Variants in CACNA2D2 observed in about 807,000 individuals in gnomAD.
CACNA2D2 encodes the protein voltage-dependent calcium channel subunit alpha-2/delta-2.
CACNA2D2 carries 48 observed loss-of-function variants against 166.4 expected under a neutral mutation model. That is an observed-to-expected ratio of 0.29 (90% CI 0.23 to 0.37). The LOEUF (loss-of-function observed/expected upper bound fraction) is 0.37, where lower values mean the gene tolerates loss of function less well. Among genes scored for constraint, CACNA2D2 ranks in the 10% least tolerant of loss-of-function variants. The pLI is 1.00. For missense variants in CACNA2D2, 1,122 were observed against 1,433.0 expected (o/e 0.78, Z 3.50); for synonymous variants, 561 against 573.7 (o/e 0.98, Z 0.32).
At position 50,380,003 on chromosome 3, in the gene CACNA2D2, G is replaced by A; in HGVS notation, c.858C>T (p.Ala286=). The change falls in exon 9 of 38, where the codon GCC becomes GCT. Residue 286 remains alanine, a synonymous_variant. Transcript: ENST00000424201. The surrounding 1 kb of genome is among the most constrained non-coding windows in gnomAD (Gnocchi z 4.9). ...VRRRPWYIQG[A]SSPKDMVIIV... is the part of the protein sequence containing the mutation. Reference sequence around the variant, plus strand: ...TGATGACCATGTCTTTGGGTGACGAGGCCCCCTGGATATACCTGCCCAGGA... The same window carrying A: ...TGATGACCATGTCTTTGGGTGACGAAGCCCCCTGGATATACCTGCCCAGGA... The A allele has an allele frequency of 6.2e-7, 1 of 1,614,082 alleles. No homozygotes were observed. The highest frequency in any genetic ancestry group is 8.5e-7 in the Non-Finnish European group (1 of 1,180,040).
intron 4 of CACNA2D2, among the ~76,000 whole-genome samples, chr3:50,392,681 G>A (rs956629353): frequency 1.3e-5 from 2 of 152,210 alleles, no homozygotes; most frequent in Non-Finnish European, 2.9e-5. Context: ...CACCCACATA[G>A]CCTGATGTGT....
chr3:50,489,780 C>T (rs1437997403), intron 1 of CACNA2D2, among the ~76,000 whole-genome samples: 3 of 151,846 alleles, frequency 2.0e-5, no homozygotes, highest in East Asian at 2.0e-4. Context: ...CACACCCTGA[C>T]TGGGGAGGCC....
chr3:50,503,185 G>C (rs1699056617), intron 1 of CACNA2D2, 33 bp downstream of exon 1: 1 of 1,163,656 alleles, frequency 8.6e-7, no homozygotes, highest in South Asian at 4.2e-5. Context: ...GCAAGGCTCG[G>C]CCGGGGTCTC....
intron 1 of CACNA2D2, among the ~76,000 whole-genome samples, chr3:50,479,670 C>T (rs1402829625): frequency 6.6e-6 from 1 of 152,116 alleles, no homozygotes; most frequent in Non-Finnish European, 1.5e-5. Context: ...CGTACTCACT[C>T]CAGCAGAAGG....
At position 50,367,947 on chromosome 3, in the gene CACNA2D2, G is replaced by T. The variant is rs1387574644; in HGVS notation, c.2144-45C>A. On this transcript the variant is annotated intron_variant, in intron 24 of 37. Transcript: ENST00000424201. The surrounding 1 kb of genome is among the most constrained non-coding windows in gnomAD (Gnocchi z 6.5). ...GTGGGGGTGGGGGCATCTTCTTGCA[G>T]CTCCTTGCCCACCCTCACCCCCACC... The T allele has an allele frequency of 1.4e-6, 2 of 1,391,520 alleles. No homozygotes were observed. Among genetic ancestry groups the T allele is most frequent in the Admixed American group, 3.7e-5 (2 of 54,286 alleles). 86.2% of individuals were successfully genotyped at this position (1,391,520 alleles called of 1,614,324 possible).
Position 50,363,309 on chromosome 3 carries a change from G to A in CACNA2D2, c.*1357C>T. ...AAGCAACATGACATTAATTAACGAA[G>A]CCATTAATTAATGCATCACCCTCCC... On this transcript the variant is annotated 3_prime_UTR_variant, in exon 38 of 38. Transcript: ENST00000424201. 2 of 398,680 alleles carry A rather than the reference G, an allele frequency of 5.0e-6. No homozygotes were observed. Among genetic ancestry groups the A allele is most frequent in the East Asian group, 7.1e-5 (2 of 28,066 alleles). 24.7% of individuals were successfully genotyped at this position (398,680 alleles called of 1,614,324 possible).
rs1190299166 is a variant in CACNA2D2, at chr3:50,375,325, C to T, written c.1907+319G>A. Among the ~76,000 whole-genome samples, 2 of 152,314 alleles carry T rather than the reference C, an allele frequency of 1.3e-5. No homozygotes were observed. The highest frequency in any genetic ancestry group is 6.5e-5 in the Admixed American group (1 of 15,306). ...CTAGCTGTGTGGGGCAGGCAGAGGT[C>T]AGCCTGCACTGACCCAGCCTGACAC... On this transcript the variant is annotated intron_variant, in intron 21 of 37. Coordinates refer to ENST00000424201, the MANE Select transcript of CACNA2D2 (RefSeq NM_006030.4). The surrounding 1 kb of genome is among the most constrained non-coding windows in gnomAD (Gnocchi z 4.0).
chr3:50,367,879 G>A lies in CACNA2D2; in HGVS notation c.2167C>T (p.Leu723=), dbSNP rs2109411769. The change falls in exon 25 of 38, where the codon CTG becomes TTG. Residue 723 remains leucine (L), a synonymous_variant. Coordinates refer to ENST00000424201, the MANE Select transcript of CACNA2D2 (RefSeq NM_006030.4). The surrounding 1 kb of genome is among the most constrained non-coding windows in gnomAD (Gnocchi z 6.5). ...KQCNNFLLHN[L]ILDTGITQQL... ...TGCGTGATGCCCGTGTCCAAGATCAGGTTGTGCAGAAGGAAGTTGTTGCCT... is the reference window on the plus strand; with the variant it reads ...TGCGTGATGCCCGTGTCCAAGATCAAGTTGTGCAGAAGGAAGTTGTTGCCT... The A allele has an allele frequency of 6.2e-7, 1 of 1,606,478 alleles. No individual in the cohort carries two copies. The highest frequency in any genetic ancestry group is 2.2e-5 in the East Asian group (1 of 44,640).
At chr3:50,429,117 C>T (rs934819610) in intron 3 of CACNA2D2, among the ~76,000 whole-genome samples, 6 of 152,152 alleles carry the variant, frequency 3.9e-5, no homozygotes, top group African/African-American at 1.4e-4. Flanking sequence ...GTAATCCCGG[C>T]TACCTGGGAG....
chr3:50,495,133 T>A (rs927224489), intron 1 of CACNA2D2, among the ~76,000 whole-genome samples: 2 of 152,370 alleles, frequency 1.3e-5, no homozygotes, highest in East Asian at 3.9e-4. Flanking sequence ...GAAGGTTCCC[T>A]TCCCCCATCT....
chr3:50,396,356 T>G (rs925609870), intron 3 of CACNA2D2, among the ~76,000 whole-genome samples: 2 of 152,164 alleles, frequency 1.3e-5, no homozygotes, highest in African/African-American at 2.4e-5. Flanking sequence ...CTGGAGCCTT[T>G]TCTCCAAATG....
chr3:50,445,361 C>T (rs1051015104), intron 2 of CACNA2D2, among the ~76,000 whole-genome samples: 8 of 152,150 alleles, frequency 5.3e-5, no homozygotes, highest in Admixed American at 6.5e-5. Flanking sequence ...CACAAGGCAC[C>T]GGTAAGGCAG....
At chr3:50,397,442 G>T (rs1706219600) in intron 3 of CACNA2D2, among the ~76,000 whole-genome samples, 1 of 152,140 alleles carries the variant, frequency 6.6e-6, no homozygotes, top group Non-Finnish European at 1.5e-5. Flanking sequence ...TCAGGCCTGA[G>T]GATGAGAGGA....
chr3:50,462,201 C>T (rs1709617545), intron 2 of CACNA2D2, among the ~76,000 whole-genome samples: 1 of 151,892 alleles, frequency 6.6e-6, no homozygotes, highest in South Asian at 2.1e-4. Context: ...CCAGCCTGGC[C>T]AACATGGCAA....
intron 4 of CACNA2D2, among the ~76,000 whole-genome samples, chr3:50,391,041 T>C (rs1705862948): frequency 6.6e-6 from 1 of 152,240 alleles, no homozygotes; most frequent in Non-Finnish European, 1.5e-5. Flanking sequence ...TGTCGCTGGC[T>C]TGGCAGAGGC....
intron 1 of CACNA2D2, among the ~76,000 whole-genome samples, chr3:50,493,308 T>C (rs746761635): frequency 6.6e-6 from 1 of 152,196 alleles, no homozygotes; most frequent in Non-Finnish European, 1.5e-5. Flanking sequence ...TTGCCAGTGA[T>C]TGGTTCAGAG....
chr3:50,390,494 G>A (rs2106715121), intron 4 of CACNA2D2, among the ~76,000 whole-genome samples: 1 of 152,324 alleles, frequency 6.6e-6, no homozygotes, highest in African/African-American at 2.4e-5. Context: ...ACAGCCCAGA[G>A]GAGAGGCTGA....
rs12485286 is a variant in CACNA2D2, at chr3:50,378,211, A to C, written c.1389+73T>G. On this transcript the variant is annotated intron_variant, in intron 14 of 37. Coordinates refer to ENST00000424201, the MANE Select transcript of CACNA2D2 (RefSeq NM_006030.4). The stretch of plus-strand genomic sequence containing the variant: ...CACTGTGAGGGGGCGCCCTTGGCCC[A>C]CAGCAGCCCATGGCACACAGCGTCC... 59,859 of 1,556,984 alleles carry C rather than the reference A, an allele frequency of 0.038. 11,096 individuals are homozygous for C. In the East Asian group the frequency reaches 0.55, roughly 14 times the overall value.
intron 3 of CACNA2D2, among the ~76,000 whole-genome samples, chr3:50,431,157 G>A (rs1708043209): frequency 6.6e-6 from 1 of 152,280 alleles, no homozygotes; most frequent in East Asian, 1.9e-4. Flanking sequence ...ATGTAGTGGG[G>A]GGTGGGGGTC....
Sources: gnomAD v4.1 joint callset for allele counts (sites outside exome capture counted in the v4.1 genomes callset) on GRCh38, gnomAD v4.1.1 for gene constraint, Gnocchi (gnomAD v3.1) non-coding constraint, MANE v1.5 for transcripts, NCBI Gene and HGNC (gene_info 2026-07-23, HGNC 2026-07-21) for gene names.